The following THRB variants were observed in gnomAD, a reference collection of about 807,000 sequenced individuals.
THRB encodes the protein thyroid hormone receptor beta.
In THRB, 12 loss-of-function variants were observed where a neutral mutation model predicts 47.8. The observed-to-expected ratio is 0.25, with a 90% confidence interval of 0.16 to 0.41. The LOEUF (loss-of-function observed/expected upper bound fraction) is 0.41, where lower values mean the gene tolerates loss of function less well. Ranked by LOEUF, THRB falls within the 10% of genes least tolerant of loss-of-function variation. The probability of loss-of-function intolerance (pLI) is 1.00; values close to 1 mark genes in which losing one functional copy is unlikely to be tolerated. For synonymous variants in THRB, 218 were observed against 212.2 expected (o/e 1.03, Z -0.24); for missense variants, 348 against 589.2 (o/e 0.59, Z 4.24).
At chr3:24,409,184 A>G (rs139712793) in intron 1 of THRB, among the ~76,000 whole-genome samples, 1 of 151,960 alleles carries the variant, frequency 6.6e-6, no homozygotes, top group East Asian at 2.0e-4. Flanking sequence ...AACATGAACC[A>G]ATCCCTGACT....
At chr3:24,238,293 T>TGG (rs1559699245) in intron 3 of THRB, among the ~76,000 whole-genome samples, 1 of 27,388 alleles carries the variant, frequency 3.7e-5, no homozygotes. Flanking sequence ...GGGGGGGGGG[T>TGG]GTGTGGGGTG....
intron 4 of THRB, among the ~76,000 whole-genome samples, chr3:24,209,371 G>A (rs1043309635): frequency 6.6e-6 from 1 of 152,170 alleles, no homozygotes; most frequent in Non-Finnish European, 1.5e-5. Flanking sequence ...AAAGACACAT[G>A]CACACGTATG....
At chr3:24,495,004 C>T (rs1206037932), upstream of THRB, 8 of 152,308 alleles carry the variant, frequency 5.3e-5, no homozygotes, top group East Asian at 1.2e-3. Flanking sequence ...AGGGCCGCGC[C>T]GCACCTCCCC....
intron 4 of THRB, among the ~76,000 whole-genome samples, chr3:24,225,980 G>A (rs942391885): frequency 2.0e-5 from 3 of 152,064 alleles, no homozygotes; most frequent in Non-Finnish European, 4.4e-5. Context: ...CTTATATTAA[G>A]TAACCTCAAA....
intron 3 of THRB, among the ~76,000 whole-genome samples, chr3:24,279,027 T>C (rs778459843): frequency 1.2e-4 from 19 of 152,056 alleles, no homozygotes; most frequent in Non-Finnish European, 2.2e-4. Context: ...AAATGTTTCA[T>C]AGAGATGGGG....
intron 1 of THRB, among the ~76,000 whole-genome samples, chr3:24,353,626 A>T (rs2063493224): frequency 6.6e-6 from 1 of 151,332 alleles, no homozygotes; most frequent in Non-Finnish European, 1.5e-5. Flanking sequence ...TGCAGGAAGG[A>T]AAAAGGCAGG....
intron 2 of THRB, among the ~76,000 whole-genome samples, chr3:24,333,770 A>G (rs1161611499): frequency 3.3e-5 from 5 of 152,320 alleles, no homozygotes; most frequent in African/African-American, 1.2e-4. Context: ...TGTGAGTGAA[A>G]TAGGCTTTGG....
At chr3:24,273,479 C>T (rs991091175) in intron 3 of THRB, among the ~76,000 whole-genome samples, 21 of 152,128 alleles carry the variant, frequency 1.4e-4, no homozygotes, top group Non-Finnish European at 2.2e-4. Context: ...TTGTGCCTGT[C>T]AGAAAGAGTG....
chr3:24,319,320 T>C (rs1436872167), intron 2 of THRB, among the ~76,000 whole-genome samples: 1 of 152,226 alleles, frequency 6.6e-6, no homozygotes, highest in Non-Finnish European at 1.5e-5. Flanking sequence ...CAATCCAGTT[T>C]TCTGTTACAC....
At chr3:24,151,948 C>T (rs1034925066) in intron 6 of THRB, among the ~76,000 whole-genome samples, 2 of 152,154 alleles carry the variant, frequency 1.3e-5, no homozygotes. Flanking sequence ...TGAAAATGAG[C>T]ATATTCACTC....
intron 4 of THRB, among the ~76,000 whole-genome samples, chr3:24,194,037 C>T (rs2043669805): frequency 6.6e-6 from 1 of 152,174 alleles, no homozygotes; most frequent in African/African-American, 2.4e-5. Flanking sequence ...GAAAACCAAA[C>T]ATCATACGTT....
chr3:24,335,130 A>G (rs2149407119), intron 2 of THRB, among the ~76,000 whole-genome samples: 1 of 152,302 alleles, frequency 6.6e-6, no homozygotes, highest in East Asian at 1.9e-4. Context: ...CTAAAAGCTC[A>G]GAGGACCCCA....
intron 1 of THRB, among the ~76,000 whole-genome samples, chr3:24,390,797 A>ATATATATAT (rs1553743104): frequency 5.1e-5 from 7 of 137,852 alleles, no homozygotes; most frequent in African/African-American, 1.9e-4. Flanking sequence ...AAAAAAAAAA[A>ATATATATAT]ATATATATAT....
intron 1 of THRB, among the ~76,000 whole-genome samples, chr3:24,481,015 T>C (rs1696273964): frequency 6.6e-6 from 1 of 152,152 alleles, no homozygotes; most frequent in Non-Finnish European, 1.5e-5. Context: ...ATTGCTGCCA[T>C]ACAAGTTGAA....
At chr3:24,138,540 TG>T (rs963310441) in intron 8 of THRB, among the ~76,000 whole-genome samples, 3 of 152,192 alleles carry the variant, frequency 2.0e-5, no homozygotes, top group African/African-American at 7.2e-5. Flanking sequence ...TGAAATAACT[TG>T]CCCAAAGAAG....
intron 1 of THRB, among the ~76,000 whole-genome samples, chr3:24,490,121 T>C (rs1273378584): frequency 6.6e-6 from 1 of 152,206 alleles, no homozygotes; most frequent in Non-Finnish European, 1.5e-5. Flanking sequence ...TTTGTATTAA[T>C]ATGTTGTCTC....
intron 5 of THRB, among the ~76,000 whole-genome samples, chr3:24,164,830 A>G (rs578177019): frequency 1.3e-5 from 2 of 152,320 alleles, no homozygotes; most frequent in South Asian, 4.1e-4. Flanking sequence ...TCAAAGATGA[A>G]GAAAAAAAGT....
At chr3:24,451,873 C>T (rs987062513) in intron 1 of THRB, among the ~76,000 whole-genome samples, 4 of 152,208 alleles carry the variant, frequency 2.6e-5, no homozygotes, top group African/African-American at 9.6e-5. Flanking sequence ...GCCTGGTTTA[C>T]TGACGTGGGG....
chr3:24,228,914 G>T, intron 4 of THRB, 24 bp downstream of exon 4: 1 of 1,594,956 alleles, frequency 6.3e-7, no homozygotes, highest in Non-Finnish European at 8.5e-7. Flanking sequence ...GGCACACAAA[G>T]AAAATGTAAA....
Sources: allele counts gnomAD v4.1 joint callset (sites outside exome capture counted in the v4.1 genomes callset), GRCh38; gene constraint gnomAD v4.1.1; transcripts MANE v1.5; gene names NCBI Gene and HGNC (gene_info 2026-07-23, HGNC 2026-07-21).